The following PAN3 variants were observed in gnomAD, a reference collection of about 807,000 sequenced individuals.
The protein encoded by PAN3 is PAN2-PAN3 deadenylation complex subunit PAN3.
PAN3 carries 19 observed loss-of-function variants against 96.2 expected under a neutral mutation model. The observed-to-expected ratio is 0.20, with a 90% CI of 0.14 to 0.29. The LOEUF is 0.29. Ranked by LOEUF, PAN3 falls within the 10% of genes least tolerant of loss-of-function variation. PAN3 has a pLI of 1.00. For missense variants in PAN3, 882 were observed against 1,108.1 expected (o/e 0.80, Z 2.90); for synonymous variants, 433 against 406.6 (o/e 1.06, Z -0.78).
intron 3 of PAN3, 97 bp from the exon 4 acceptor site, chr13:28,177,768 T>C: frequency 1.1e-6 from 1 of 945,764 alleles, no homozygotes; most frequent in Non-Finnish European, 1.7e-6. Flanking sequence ...AATTATTGTG[T>C]CATTTGATTT....
rs45484592 is a variant in PAN3 at position 28,292,310 on chromosome 13, T to C, written c.2524-72T>C. The C allele has an allele frequency of 1.7e-3, 2,410 of 1,415,764 alleles. 43 individuals are homozygous for C. In the African/African-American group the frequency reaches 0.032, roughly 19 times the overall value. The allele number at this position is 1,415,764 out of a possible 1,614,324, so 87.7% of individuals were successfully genotyped here. ...AAAAAAATTTAGATATTTTATTTAT[T>C]TTTGCTGCAAACGTAGATAAATTCT... On this transcript the variant is annotated intron_variant, in intron 18 of 18. Transcript: ENST00000380958.
chr13:28,200,607 A>G (rs544711411), intron 5 of PAN3, among the ~76,000 whole-genome samples: 6 of 152,352 alleles, frequency 3.9e-5, no homozygotes, highest in South Asian at 4.1e-4. Context: ...CAAATACTTT[A>G]TGATACGAAG....
At chr13:28,142,196 T>A (rs898880437) in intron 1 of PAN3, among the ~76,000 whole-genome samples, 3 of 152,188 alleles carry the variant, frequency 2.0e-5, no homozygotes, top group African/African-American at 7.2e-5. Context: ...GGAAATAATG[T>A]TGCTCAGGAA....
chr13:28,157,433 A>G (rs1872338092), intron 1 of PAN3, among the ~76,000 whole-genome samples: 1 of 152,186 alleles, frequency 6.6e-6, no homozygotes, highest in Non-Finnish European at 1.5e-5. Context: ...ATCTCTGTAT[A>G]TGATATGATT....
chr13:28,289,751 A>G (rs1213491678), intron 18 of PAN3, among the ~76,000 whole-genome samples: 1 of 152,184 alleles, frequency 6.6e-6, no homozygotes, highest in Non-Finnish European at 1.5e-5. Context: ...GCATGGTGAC[A>G]GGCACCAGTA....
chr13:28,149,277 C>T (rs1033017422), intron 1 of PAN3, among the ~76,000 whole-genome samples: 2 of 152,050 alleles, frequency 1.3e-5, no homozygotes, highest in African/African-American at 2.4e-5. Context: ...TTGCTTGAAC[C>T]CAGGAGACCT....
At chr13:28,267,866 G>T (rs1473519383) in intron 12 of PAN3, among the ~76,000 whole-genome samples, 1 of 152,120 alleles carries the variant, frequency 6.6e-6, no homozygotes, top group African/African-American at 2.4e-5. Context: ...AATGAGATTT[G>T]GGTGGGGACG....
intron 1 of PAN3, among the ~76,000 whole-genome samples, chr13:28,152,918 G>C (rs925924611): frequency 6.6e-6 from 1 of 151,960 alleles, no homozygotes; most frequent in Non-Finnish European, 1.5e-5. Context: ...TGTGGGTATG[G>C]GGGGGAAAAG....
At chr13:28,288,314 G>T (rs935701807) in intron 18 of PAN3, among the ~76,000 whole-genome samples, 192 bp downstream of exon 18, 1 of 152,154 alleles carries the variant, frequency 6.6e-6, no homozygotes, top group Non-Finnish European at 1.5e-5. Flanking sequence ...TTTTGGGGCA[G>T]TGGAGGACAG....
intron 1 of PAN3, among the ~76,000 whole-genome samples, chr13:28,169,117 C>G (rs1275720347): frequency 6.7e-6 from 1 of 149,666 alleles, no homozygotes; most frequent in African/African-American, 2.5e-5. Context: ...CTGAAAAATT[C>G]TTGATGATAT....
chr13:28,162,497 C>T (rs1375469030), intron 1 of PAN3, among the ~76,000 whole-genome samples: 1 of 151,902 alleles, frequency 6.6e-6, no homozygotes, highest in Non-Finnish European at 1.5e-5. Flanking sequence ...CCAGCCTGGG[C>T]AACATGGCGA....
chr13:28,230,921 A>C (rs773890476), intron 6 of PAN3, among the ~76,000 whole-genome samples: 1 of 152,206 alleles, frequency 6.6e-6, no homozygotes, highest in African/African-American at 2.4e-5. Flanking sequence ...TTTAGTAGCT[A>C]ACACCTTTCT....
chr13:28,168,004 C>T (rs1873814747), intron 1 of PAN3, among the ~76,000 whole-genome samples: 1 of 152,202 alleles, frequency 6.6e-6, no homozygotes. Context: ...CTCTTTTCTA[C>T]ATACAGGCAC....
At chr13:28,160,825 T>C (rs190468719) in intron 1 of PAN3, among the ~76,000 whole-genome samples, 77 of 152,318 alleles carry the variant, frequency 5.1e-4, no homozygotes, top group Non-Finnish European at 8.8e-5. Flanking sequence ...GTTAGTTCTT[T>C]ATGGAATTAC....
intron 4 of PAN3, among the ~76,000 whole-genome samples, chr13:28,190,950 G>C (rs899685597): frequency 6.6e-6 from 1 of 152,160 alleles, no homozygotes; most frequent in Non-Finnish European, 1.5e-5. Context: ...AATAGGATGT[G>C]GCATTTTCAA....
At chr13:28,265,081 C>T (rs1171985278) in intron 9 of PAN3, among the ~76,000 whole-genome samples, 1 of 152,126 alleles carries the variant, frequency 6.6e-6, no homozygotes, top group African/African-American at 2.4e-5. Flanking sequence ...TTAAGTGCTC[C>T]TTAATAAATG....
chr13:28,259,623 T>A (rs929255148), intron 7 of PAN3, among the ~76,000 whole-genome samples: 10 of 151,832 alleles, frequency 6.6e-5, no homozygotes, highest in Non-Finnish European at 1.5e-5. Context: ...TTTATTTTTT[T>A]AATTTTTTAT....
At chr13:28,264,368 G>C in intron 9 of PAN3, among the ~76,000 whole-genome samples, 1 of 152,064 alleles carries the variant, frequency 6.6e-6, no homozygotes, top group South Asian at 2.1e-4. Context: ...GCAAAACCCT[G>C]TCTCTACTAA....
At chr13:28,157,882 A>G (rs1365275211) in intron 1 of PAN3, among the ~76,000 whole-genome samples, 1 of 152,254 alleles carries the variant, frequency 6.6e-6, no homozygotes, top group African/African-American at 2.4e-5. Flanking sequence ...CCAAAAAAAC[A>G]GCCTGAATAG....
Sources: allele counts gnomAD v4.1 joint callset (sites outside exome capture counted in the v4.1 genomes callset), GRCh38; gene constraint gnomAD v4.1.1; transcripts MANE v1.5; gene names NCBI Gene and HGNC (gene_info 2026-07-23, HGNC 2026-07-21).